The following IL16 variants were observed in gnomAD, a reference collection of about 807,000 sequenced individuals.
IL16 encodes the protein pro-interleukin-16.
IL16 carries 67 observed loss-of-function variants against 110.1 expected under a neutral mutation model. The observed-to-expected ratio is 0.61, with a 90% CI of 0.50 to 0.75. The LOEUF (loss-of-function observed/expected upper bound fraction) is 0.75. IL16 is among the 30% of genes least tolerant of loss of function. The pLI, the probability that IL16 is intolerant of heterozygous loss-of-function variation, is 0.00. For missense variants in IL16, 1,545 were observed against 1,655.0 expected (o/e 0.93, Z 1.15); for synonymous variants, 689 against 662.9 (o/e 1.04, Z -0.61).
intron 3 of IL16, among the ~76,000 whole-genome samples, chr15:81,264,895 C>T (rs1412490240): frequency 6.6e-6 from 1 of 152,128 alleles, no homozygotes; most frequent in Non-Finnish European, 1.5e-5. Flanking sequence ...AAATTAATCT[C>T]TCCTGTTTCT....
intron 2 of IL16, among the ~76,000 whole-genome samples, chr15:81,248,371 G>A (rs1164715377): frequency 6.6e-6 from 1 of 151,640 alleles, no homozygotes; most frequent in East Asian, 1.9e-4. Context: ...TTTTTGAACT[G>A]TTTGTCTTCT....
At chr15:81,221,898 G>A (rs1366320011) in intron 1 of IL16, among the ~76,000 whole-genome samples, 3 of 152,182 alleles carry the variant, frequency 2.0e-5, no homozygotes, top group Non-Finnish European at 4.4e-5. Context: ...TGCAAATGGT[G>A]CATTGGGATT....
intron 1 of IL16, among the ~76,000 whole-genome samples, chr15:81,201,919 A>G (rs928778447): frequency 6.6e-6 from 1 of 152,208 alleles, no homozygotes; most frequent in African/African-American, 2.4e-5. Flanking sequence ...ACAGTATTCC[A>G]TGTATCTTGA....
At chr15:81,271,450 G>T (rs1303737995) in intron 5 of IL16, among the ~76,000 whole-genome samples, 1 of 152,106 alleles carries the variant, frequency 6.6e-6, no homozygotes, top group Non-Finnish European at 1.5e-5. Flanking sequence ...TCCAGTCTGG[G>T]CAGCAGAGGG....
chr15:81,296,934 A>G lies in IL16; in HGVS notation c.1909A>G (p.Arg637Gly). The G allele has an allele frequency of 6.2e-7, 1 of 1,609,904 alleles. No individual in the cohort carries two copies. The highest frequency in any genetic ancestry group is 8.5e-7 in the Non-Finnish European group (1 of 1,178,168). Residue 637 changes from arginine (R) to glycine (G), a missense_variant, in exon 13 of 19, where the codon AGA becomes GGA. Physicochemically the swap from Arg to Gly is moderately radical, Grantham distance 125. This residue lies in a region of IL16 where 1,185 missense variants were observed against 1,238.8 expected (regional missense o/e 0.96). Coordinates refer to ENST00000683961, the MANE Select transcript of IL16 (RefSeq NM_172217.5). ...HTPPTCGQEARELLPLLLPQE... is the reference protein window; with the variant it reads ...HTPPTCGQEAGELLPLLLPQE... ...CTTCCTGTTTACACCACAGGAAGCG[A>G]GAGAGCTGCTGCCACTGCTGCTACC...
In IL16 at chr15:81,196,895, A is replaced by C. The variant is rs989862415; in HGVS notation, c.-359A>C. 5.1e-6 allele frequency: 6 copies of C among 1,182,088 alleles called. No individual in the cohort carries two copies. The highest frequency in any genetic ancestry group is 6.4e-6 in the Non-Finnish European group (6 of 939,134). The allele number at this position is 1,182,088 out of a possible 1,614,324, so 73.2% of individuals were successfully genotyped here. On this transcript the variant is annotated 5_prime_UTR_variant, in exon 1 of 19. Transcript: ENST00000683961. ...AGGTGGGACACATTTGTCCTGAGTC[A>C]CCTGTCCAGAGCAGGTGGTGAATAT... is the stretch of plus-strand genomic sequence containing the variant.
chr15:81,201,814 GAC>G (rs1170028611), intron 1 of IL16, among the ~76,000 whole-genome samples: 1 of 151,920 alleles, frequency 6.6e-6, no homozygotes, highest in Non-Finnish European at 1.5e-5. Flanking sequence ...TCTAGCATCA[GAC>G]ACACACACGC....
rs1031174585 is a variant in IL16 at position 81,205,080 on chromosome 15, G to A, written c.-102+7928G>A. Among the ~76,000 whole-genome samples, 53 of 152,254 alleles carry A rather than the reference G, an allele frequency of 3.5e-4. 1 individual carries two copies. The highest frequency in any genetic ancestry group is 7.8e-4 in the Non-Finnish European group (53 of 68,004). ...CCAGCACCTTGGGGGGCCAAGGTGG[G>A]TGGATCATTTGAGGCCAGGAGTTCA... On this transcript the variant is annotated intron_variant, in intron 1 of 18. Coordinates refer to ENST00000683961, the MANE Select transcript of IL16 (RefSeq NM_172217.5).
Position 81,300,431 on chromosome 15 carries a change from T to C in IL16, c.3105T>C (p.Asn1035=). The C allele has an allele frequency of 3.7e-6, 6 of 1,614,146 alleles. No individual in the cohort carries two copies. Among genetic ancestry groups the C allele is most frequent in the Non-Finnish European group, 5.1e-6 (6 of 1,180,004 alleles). Residue 1035 remains asparagine (N), a synonymous_variant, in exon 14 of 19, where the codon AAT becomes AAC. Coordinates refer to ENST00000683961, the MANE Select transcript of IL16 (RefSeq NM_172217.5). ...TSSSNEDSAA[N]GSAETSALDT... ...CATCCAACGAAGACTCAGCTGCAAA[T>C]GGTTCTGCTGAAACATCTGCCTTGG...
chr15:81,300,682 AAGG>A (rs1055287174), intron 14 of IL16, among the ~76,000 whole-genome samples: 4 of 152,194 alleles, frequency 2.6e-5, no homozygotes, highest in East Asian at 1.9e-4. Context: ...CTTTCACATT[AAGG>A]AGGAGTTTTC....
At chr15:81,217,899 G>A (rs1896486443) in intron 1 of IL16, among the ~76,000 whole-genome samples, 1 of 152,094 alleles carries the variant, frequency 6.6e-6, no homozygotes, top group Admixed American at 6.5e-5. Flanking sequence ...AAAAAATTAT[G>A]TCTCAATATA....
intron 14 of IL16, 43 bp downstream of exon 14, chr15:81,300,518 TTTTC>T (rs1900228759): frequency 7.8e-7 from 1 of 1,284,840 alleles, no homozygotes; most frequent in Admixed American, 2.2e-5. Context: ...TTTCTCATCT[TTTTC>T]TTTCTCATCT....
intron 1 of IL16, among the ~76,000 whole-genome samples, chr15:81,217,647 A>T (rs897410193): frequency 1.3e-5 from 2 of 152,196 alleles, no homozygotes; most frequent in Non-Finnish European, 2.9e-5. Context: ...TAGCAAACTC[A>T]ATCCAGTTAT....
At chr15:81,264,635 G>A (rs1052696688) in intron 3 of IL16, among the ~76,000 whole-genome samples, 1 of 152,086 alleles carries the variant, frequency 6.6e-6, no homozygotes, top group Non-Finnish European at 1.5e-5. Context: ...TGGCCCTCAG[G>A]ATACTAGGCA....
intron 6 of IL16, among the ~76,000 whole-genome samples, chr15:81,273,811 C>G (rs1167781726): frequency 6.6e-6 from 1 of 152,006 alleles, no homozygotes; most frequent in African/African-American, 2.4e-5. Context: ...TCCATCAACC[C>G]ACCCCCTCTC....
chr15:81,276,251 G>A (rs749533397), intron 6 of IL16, among the ~76,000 whole-genome samples: 3 of 152,198 alleles, frequency 2.0e-5, no homozygotes, highest in Non-Finnish European at 4.4e-5. Flanking sequence ...CCTGCCTCCA[G>A]CCCCTGTTTC....
At chr15:81,292,474 C>T (rs764033799) in intron 11 of IL16, 82 bp from the exon 12 acceptor site, 29 of 1,593,762 alleles carry the variant, frequency 1.8e-5, no homozygotes, top group East Asian at 8.9e-5. Flanking sequence ...GTGTGCTGCC[C>T]GTGGCAGTCA....
At chr15:81,205,123 T>C (rs1472873329) in intron 1 of IL16, among the ~76,000 whole-genome samples, 1 of 152,028 alleles carries the variant, frequency 6.6e-6, no homozygotes, top group Non-Finnish European at 1.5e-5. Flanking sequence ...TTGGCCAACC[T>C]GGTGAAATCC....
intron 2 of IL16, among the ~76,000 whole-genome samples, chr15:81,256,597 G>A (rs534192105): frequency 6.6e-6 from 1 of 152,166 alleles, no homozygotes; most frequent in South Asian, 2.1e-4. Context: ...CCCCAATTTG[G>A]CCTCCCAAAG....
Sources: gnomAD v4.1 joint callset for allele counts (sites outside exome capture counted in the v4.1 genomes callset) on GRCh38, gnomAD v4.1.1 for gene constraint, gnomAD v4.1.1 regional missense constraint, MANE v1.5 for transcripts, NCBI Gene and HGNC (gene_info 2026-07-23, HGNC 2026-07-21) for gene names.